Variants in CRYZL1 observed in about 807,000 individuals in gnomAD.
The protein encoded by CRYZL1 is ferry endosomal RAB5 effector complex subunit 4.
CRYZL1 carries 34 observed loss-of-function variants against 50.6 expected under a neutral mutation model. The ratio of observed to expected loss-of-function variants is 0.67; its 90% CI spans 0.51 to 0.89. The LOEUF (loss-of-function observed/expected upper bound fraction) is 0.89, where lower values mean the gene tolerates loss of function less well. Ranked by LOEUF, CRYZL1 falls within the 40% of genes least tolerant of loss-of-function variation. The pLI is 0.00. For missense variants in CRYZL1, 354 were observed against 402.3 expected, an observed-to-expected ratio of 0.88 and a Z score of 1.03; for synonymous variants, 125 against 134.3, an observed-to-expected ratio of 0.93 and a Z score of 0.48.
intron 1 of CRYZL1, chr21:33,641,184 G>A (rs1418679012): frequency 3.2e-6 from 5 of 1,550,406 alleles, no homozygotes; most frequent in East Asian, 2.4e-5. Context: ...CTTACATCTC[G>A]CTCCAGATGA....
At chr21:33,632,045 G>A (rs111589576) in intron 1 of CRYZL1, among the ~76,000 whole-genome samples, 4 of 151,772 alleles carry the variant, frequency 2.6e-5, no homozygotes, top group East Asian at 1.9e-4. Flanking sequence ...ACTTATAGCC[G>A]GGCACAGTGG....
chr21:33,641,063 C>G, intron 1 of CRYZL1: 7 of 1,462,092 alleles, frequency 4.8e-6, no homozygotes, highest in Non-Finnish European at 6.3e-6. Flanking sequence ...TATATTTGTA[C>G]TGGACAGAGT....
At chr21:33,598,791 A>G (rs569316418) in intron 9 of CRYZL1, among the ~76,000 whole-genome samples, 143 of 151,558 alleles carry the variant, frequency 9.4e-4, no homozygotes, top group Middle Eastern at 3.4e-3. Context: ...TTAAAACATT[A>G]TAAGACATTT....
At chr21:33,638,434 C>T (rs1027558630) in intron 1 of CRYZL1, among the ~76,000 whole-genome samples, 1 of 152,092 alleles carries the variant, frequency 6.6e-6, no homozygotes, top group African/African-American at 2.4e-5. Flanking sequence ...AGGCTGGTCT[C>T]GAACTCCTGA....
chr21:33,626,776 T>A (rs1357247234), intron 2 of CRYZL1, among the ~76,000 whole-genome samples: 1 of 151,970 alleles, frequency 6.6e-6, no homozygotes, highest in Non-Finnish European at 1.5e-5. Context: ...CATCCACCTA[T>A]ATTATTAAAT....
chr21:33,627,737 TG>T lies in CRYZL1; in HGVS notation c.67-2978del, dbSNP rs1428213189. Among the ~76,000 whole-genome samples, 549 of 138,830 alleles carry T rather than the reference TG, an allele frequency of 4.0e-3. 6 individuals carry two copies. Among genetic ancestry groups the T allele is most frequent in the African/African-American group, 0.014 (527 of 37,406 alleles). 91.1% of individuals were successfully genotyped at this position (138,830 alleles called of 152,430 possible). ...CCTCTTCCATTTCACATATGAGACA[TG>T]GTTTTTTTTTTTTTTTTTTTTTTTG... On this transcript the variant is annotated intron_variant, in intron 2 of 12. Transcript: ENST00000381554.
intron 5 of CRYZL1, 81 bp from the exon 6 acceptor site, chr21:33,613,687 G>A (rs1267619689): frequency 1.9e-6 from 2 of 1,035,502 alleles, no homozygotes; most frequent in Non-Finnish European, 3.0e-6. Flanking sequence ...TACAAATTTT[G>A]TTCAGTGAAA....
rs2145924238 is a variant in CRYZL1, at chr21:33,602,219, CATA to C, written c.577+12_577+14del. 7.5e-7 allele frequency: 1 copy of C among 1,334,754 alleles called. No homozygotes were observed. Among genetic ancestry groups the C allele is most frequent in the South Asian group, 1.2e-5 (1 of 84,334 alleles). The allele number at this position is 1,334,754 out of a possible 1,614,324, so 82.7% of individuals were successfully genotyped here. On this transcript the variant is annotated intron_variant, in intron 8 of 12. Coordinates refer to ENST00000381554, the MANE Select transcript of CRYZL1 (RefSeq NM_145858.3). ...AATTTCCTGTTTTAAAGTCTGTGCT[CATA>C]ATATTACCCACCTATGGGAGGTCTG... is the stretch of plus-strand genomic sequence containing the variant.
At chr21:33,596,867 CTT>C (rs1181986117) in intron 10 of CRYZL1, among the ~76,000 whole-genome samples, 7 of 140,586 alleles carry the variant, frequency 5.0e-5, no homozygotes, top group Admixed American at 7.1e-5. Context: ...AGATTTTTTT[CTT>C]TTTTTTTTTT....
At position 33,611,326 on chromosome 21, in the gene CRYZL1, T is replaced by C. The variant is rs138727630; in HGVS notation, c.331+2212A>G. ...ACACTTGGCTCCTCACTAGGCTTCA[T>C]GTACGTTCCAATAAGTGCAGCCCTC... On this transcript the variant is annotated intron_variant, in intron 6 of 12. Transcript: ENST00000381554. 8.4e-3 allele frequency among the ~76,000 whole-genome samples: 1,276 copies of C among 152,344 alleles called. 10 individuals carry two copies. The highest frequency in any genetic ancestry group is 0.02 in the Middle Eastern group (6 of 294).
intron 5 of CRYZL1, among the ~76,000 whole-genome samples, chr21:33,614,238 A>G (rs950382576): frequency 4.6e-5 from 7 of 151,916 alleles, no homozygotes; most frequent in African/African-American, 1.5e-4. Flanking sequence ...GTAATCCAAC[A>G]CTTTGGGAGG....
At chr21:33,600,968 G>A (rs576275793) in intron 8 of CRYZL1, among the ~76,000 whole-genome samples, 7 of 98,638 alleles carry the variant, frequency 7.1e-5, no homozygotes, top group South Asian at 7.2e-4. Flanking sequence ...GCGGACTGTC[G>A]CTCTGTTGCC....
intron 9 of CRYZL1, among the ~76,000 whole-genome samples, 187 bp downstream of exon 9, chr21:33,598,963 A>G (rs1447749219): frequency 6.6e-6 from 1 of 152,186 alleles, no homozygotes; most frequent in African/African-American, 2.4e-5. Context: ...TCTTACATAC[A>G]GCGCTTACAA....
At chr21:33,637,509 CGGGCTGTGGCGATAGGCTGCCAAA>C (rs2145966986) in intron 1 of CRYZL1, among the ~76,000 whole-genome samples, 1 of 151,544 alleles carries the variant, frequency 6.6e-6, no homozygotes, top group African/African-American at 2.4e-5. Flanking sequence ...GCCTGGGGCT[CGGGCTGTGGCGATAGGCTGCCAAA>C]TGCTTTCAAT....
intron 4 of CRYZL1, among the ~76,000 whole-genome samples, chr21:33,617,550 AG>A (rs1430110493): frequency 6.6e-6 from 1 of 152,188 alleles, no homozygotes; most frequent in Non-Finnish European, 1.5e-5. Context: ...AGCTTCGGCA[AG>A]ACTCACGTCT....
At chr21:33,598,717 T>G (rs1165975884) in intron 9 of CRYZL1, among the ~76,000 whole-genome samples, 2 of 152,206 alleles carry the variant, frequency 1.3e-5, no homozygotes, top group Non-Finnish European at 2.9e-5. Flanking sequence ...TACACCAAGC[T>G]TGTCCAACTC....
At chr21:33,641,493 C>T (rs1175008075) in intron 1 of CRYZL1, among the ~76,000 whole-genome samples, 188 bp downstream of exon 1, 1 of 152,188 alleles carries the variant, frequency 6.6e-6, no homozygotes, top group African/African-American at 2.4e-5. Flanking sequence ...GAAACTGTCC[C>T]TCAAATCTAG....
rs371681090 is a variant in CRYZL1 at position 33,603,397 on chromosome 21, C to T, written c.465+7G>A. 4 of 1,613,524 alleles carry T rather than the reference C, an allele frequency of 2.5e-6. No homozygotes were observed. The highest frequency in any genetic ancestry group is 3.4e-6 in the Non-Finnish European group (4 of 1,179,876). On this transcript the variant is annotated splice_region_variant and intron_variant, in intron 7 of 12. Transcript: ENST00000381554. ...GTCTGTTTCTTAACAAAACCATTAG[C>T]ACCTACACTTGCTCCATCCATTATC...
At chr21:33,605,866 C>T (rs1032550537) in intron 6 of CRYZL1, among the ~76,000 whole-genome samples, 2 of 152,014 alleles carry the variant, frequency 1.3e-5, no homozygotes, top group African/African-American at 2.4e-5. Context: ...CTTTATAACA[C>T]TTTCACAGTC....
Sources: allele counts gnomAD v4.1 joint callset (sites outside exome capture counted in the v4.1 genomes callset), GRCh38; gene constraint gnomAD v4.1.1; transcripts MANE v1.5; gene names NCBI Gene and HGNC (gene_info 2026-07-23, HGNC 2026-07-21).